The following TDRD3 variants were observed in gnomAD, a reference collection of about 807,000 sequenced individuals.
TDRD3 encodes the protein tudor domain containing 3.
TDRD3 carries 45 observed loss-of-function variants against 86.7 expected under a neutral mutation model. That is an observed-to-expected ratio of 0.52 (90% CI 0.41 to 0.67). The LOEUF (loss-of-function observed/expected upper bound fraction) is 0.67. Ranked by LOEUF, TDRD3 falls within the 30% of genes least tolerant of loss-of-function variation. The probability of loss-of-function intolerance (pLI) is 0.00; values close to 1 mark genes in which losing one functional copy is unlikely to be tolerated. For missense variants in TDRD3, 814 were observed against 889.0 expected (o/e 0.92, Z 1.07); for synonymous variants, 298 against 301.7 (o/e 0.99, Z 0.13).
chr13:60,496,911 A>G (rs1411634752), intron 8 of TDRD3, among the ~76,000 whole-genome samples: 3 of 152,182 alleles, frequency 2.0e-5, no homozygotes, highest in East Asian at 1.9e-4. Context: ...TCTTGGCCTC[A>G]TGGATTCTAA....
chr13:60,426,073 C>T (rs1954796557), intron 1 of TDRD3, among the ~76,000 whole-genome samples: 1 of 152,032 alleles, frequency 6.6e-6, no homozygotes, highest in Admixed American at 6.6e-5. Flanking sequence ...CTTGTATTTA[C>T]AATGGGATAT....
intron 11 of TDRD3, among the ~76,000 whole-genome samples, chr13:60,533,955 G>C (rs559639268): frequency 2.0e-5 from 3 of 152,182 alleles, no homozygotes; most frequent in Non-Finnish European, 2.9e-5. Context: ...GGGATGATCT[G>C]TACTGAAAGA....
intron 1 of TDRD3, among the ~76,000 whole-genome samples, chr13:60,436,407 T>A (rs117901484): frequency 0.017 from 2,545 of 152,292 alleles, 25 homozygotes; most frequent in Middle Eastern, 0.048. Context: ...TGATTTCAGG[T>A]CTTAGATTTA....
chr13:60,481,225 G>A (rs941138922), intron 5 of TDRD3, among the ~76,000 whole-genome samples: 7 of 152,086 alleles, frequency 4.6e-5, no homozygotes, highest in African/African-American at 1.7e-4. Context: ...TGGTTGGTGT[G>A]CGTTTTATCC....
chr13:60,466,582 G>C (rs1019578129), intron 4 of TDRD3, among the ~76,000 whole-genome samples: 2 of 152,036 alleles, frequency 1.3e-5, no homozygotes, highest in African/African-American at 4.8e-5. Flanking sequence ...GAGGTCATGA[G>C]TTGGAGACCA....
Position 60,539,625 on chromosome 13 carries a change from A to G in TDRD3, c.2118+4392A>G, listed in dbSNP as rs527916615. Among the ~76,000 whole-genome samples, 324 of 151,956 alleles carry G rather than the reference A, an allele frequency of 2.1e-3. 3 individuals carry two copies. Among genetic ancestry groups the G allele is most frequent in the African/African-American group, 7.4e-3 (306 of 41,538 alleles). On this transcript the variant is annotated intron_variant, in intron 12 of 13. Coordinates refer to ENST00000377881, the MANE Select transcript of TDRD3 (RefSeq NM_001146070.2). ...TTAGCGTACTTTAAAATGAAGAGCT[A>G]TCAATCTCAAGTTTTAGTTTTGAAG...
At position 60,511,576 on chromosome 13, in the gene TDRD3, T is replaced by G. The variant is rs529148187; in HGVS notation, c.1141+821T>G. ...AGTGGCTTAAAACAATGCAACTTTA[T>G]TACCTTATAGTTTCTTTGTGTCAGG... is the stretch of plus-strand genomic sequence containing the variant. On this transcript the variant is annotated intron_variant, in intron 10 of 13. Coordinates refer to ENST00000377881, the MANE Select transcript of TDRD3 (RefSeq NM_001146070.2). Among the ~76,000 whole-genome samples the G allele has an allele frequency of 1.4e-4, 21 of 152,346 alleles. No homozygotes were observed. In the East Asian group the frequency reaches 3.9e-3, roughly 28 times the overall value.
upstream of TDRD3, among the ~76,000 whole-genome samples, chr13:60,396,094 C>T (rs912830924): frequency 1.9e-4 from 29 of 152,306 alleles, no homozygotes; most frequent in African/African-American, 6.7e-4. Context: ...CCAATTTCCT[C>T]CCCAATCCCA....
intron 12 of TDRD3, among the ~76,000 whole-genome samples, chr13:60,560,983 G>T (rs758663582): frequency 1.1e-4 from 16 of 152,048 alleles, no homozygotes; most frequent in Non-Finnish European, 2.1e-4. Context: ...AATAAAATGT[G>T]CTGGATGAGG....
At chr13:60,479,449 A>C (rs1452662404) in intron 5 of TDRD3, among the ~76,000 whole-genome samples, 1 of 152,222 alleles carries the variant, frequency 6.6e-6, no homozygotes, top group African/African-American at 2.4e-5. Context: ...TTCTGTGTGC[A>C]GATGAGAAGA....
intron 12 of TDRD3, chr13:60,547,296 A>G: frequency 1.0e-6 from 1 of 985,402 alleles, no homozygotes; most frequent in Non-Finnish European, 1.2e-6. Context: ...TTTGGTGAAA[A>G]GGGATCTCTG....
At chr13:60,525,633 A>C (rs1333333276) in intron 10 of TDRD3, among the ~76,000 whole-genome samples, 9 of 152,196 alleles carry the variant, frequency 5.9e-5, no homozygotes, top group Admixed American at 5.9e-4. Context: ...AACTGAAAAT[A>C]ATATTTTAAG....
intron 8 of TDRD3, among the ~76,000 whole-genome samples, chr13:60,505,392 T>C (rs554808442): frequency 8.5e-5 from 13 of 152,312 alleles, no homozygotes; most frequent in African/African-American, 3.1e-4. Context: ...GTCTCTGGAT[T>C]CTTCCTCTCT....
At chr13:60,420,325 A>G (rs900377905) in intron 1 of TDRD3, among the ~76,000 whole-genome samples, 4 of 152,078 alleles carry the variant, frequency 2.6e-5, no homozygotes, top group Non-Finnish European at 4.4e-5. Flanking sequence ...TACTTTATTA[A>G]TGATATTTTT....
chr13:60,408,340 A>G (rs1662734255), intron 1 of TDRD3, among the ~76,000 whole-genome samples: 1 of 152,210 alleles, frequency 6.6e-6, no homozygotes, highest in African/African-American at 2.4e-5. Context: ...AGAGTGGGGC[A>G]TTGCTGAAAA....
intron 5 of TDRD3, among the ~76,000 whole-genome samples, chr13:60,469,068 T>G (rs1956016732): frequency 6.6e-6 from 1 of 152,178 alleles, no homozygotes; most frequent in Non-Finnish European, 1.5e-5. Flanking sequence ...AGTACTAATT[T>G]CTTATGATAC....
intron 2 of TDRD3, among the ~76,000 whole-genome samples, chr13:60,441,270 C>T (rs571754726): frequency 6.6e-6 from 1 of 151,912 alleles, no homozygotes; most frequent in East Asian, 1.9e-4. Flanking sequence ...GATTTTATGA[C>T]AATTTGCTGG....
rs914313858 is a variant in TDRD3, at chr13:60,473,210, A to G, written c.495+5831A>G. Among the ~76,000 whole-genome samples, 5 of 152,204 alleles carry G rather than the reference A, an allele frequency of 3.3e-5. 1 individual carries two copies. The East Asian group carries it at 9.6e-4, about 29-fold the overall frequency. ...AGAGAGAGGCTGGGACATAAACTTC[A>G]TCTTTCATCAGGATCCCACTCCCAA... is the stretch of plus-strand genomic sequence containing the variant. On this transcript the variant is annotated intron_variant, in intron 5 of 13. Transcript: ENST00000377881.
intron 3 of TDRD3, among the ~76,000 whole-genome samples, chr13:60,453,312 A>G (rs986680624): frequency 6.6e-6 from 1 of 152,230 alleles, no homozygotes; most frequent in African/African-American, 2.4e-5. Flanking sequence ...CCTCAAAAAG[A>G]CAGCTTAGGA....
Sources: allele counts gnomAD v4.1 joint callset (sites outside exome capture counted in the v4.1 genomes callset), GRCh38; gene constraint gnomAD v4.1.1; transcripts MANE v1.5; gene names NCBI Gene and HGNC (gene_info 2026-07-23, HGNC 2026-07-21).